Variants in CSMD1 observed in about 807,000 individuals in gnomAD.
CSMD1 encodes CUB and sushi domain-containing protein 1.
A neutral mutation model predicts 417.5 loss-of-function variants in CSMD1; 213 were observed. The observed-to-expected ratio is 0.51, with a 90% CI of 0.46 to 0.57. CSMD1 has a LOEUF of 0.57. Ranked by LOEUF, CSMD1 falls within the 20% of genes least tolerant of loss-of-function variation. The pLI is 0.00. For missense variants in CSMD1, 6,923 were observed against 4,529.7 expected, an observed-to-expected ratio of 1.53 and a Z score of -15.17; for synonymous variants, 2,862 against 1,736.8, an observed-to-expected ratio of 1.65 and a Z score of -16.11.
At chr8:4,458,811 T>G (rs1799639791) in intron 2 of CSMD1, among the ~76,000 whole-genome samples, 2 of 152,216 alleles carry the variant, frequency 1.3e-5, no homozygotes, top group Non-Finnish European at 2.9e-5. Context: ...TTAACAACTT[T>G]TCAATTAGAT....
intron 1 of CSMD1, among the ~76,000 whole-genome samples, chr8:4,972,813 T>C (rs1410454317): frequency 6.6e-6 from 1 of 152,166 alleles, no homozygotes; most frequent in Non-Finnish European, 1.5e-5. Context: ...GTCTTGTTAA[T>C]TGCTCTATTT....
At chr8:4,157,301 G>C (rs1298603802) in intron 3 of CSMD1, among the ~76,000 whole-genome samples, 1 of 152,174 alleles carries the variant, frequency 6.6e-6, no homozygotes, top group African/African-American at 2.4e-5. Context: ...GCAGAGCTGG[G>C]TCACTGCACC....
intron 54 of CSMD1, among the ~76,000 whole-genome samples, chr8:2,988,524 G>T (rs967824000): frequency 1.3e-5 from 2 of 152,124 alleles, no homozygotes; most frequent in African/African-American, 4.8e-5. Flanking sequence ...TAGAATAGGG[G>T]ACAAAGTTTC....
chr8:4,467,024 GCAA>G (rs1404076186), intron 2 of CSMD1, among the ~76,000 whole-genome samples: 1 of 148,568 alleles, frequency 6.7e-6, no homozygotes, highest in Admixed American at 6.8e-5. Flanking sequence ...GGCCTCAAAG[GCAA>G]CAAAAGTCTG....
chr8:4,269,871 A>G (rs1804466252), intron 3 of CSMD1, among the ~76,000 whole-genome samples: 1 of 152,186 alleles, frequency 6.6e-6, no homozygotes, highest in South Asian at 2.1e-4. Flanking sequence ...AAGTTATTGC[A>G]TCATTACTGG....
intron 3 of CSMD1, among the ~76,000 whole-genome samples, chr8:4,092,994 A>C (rs1199051873): frequency 1.3e-5 from 2 of 152,122 alleles, no homozygotes; most frequent in Non-Finnish European, 2.9e-5. Flanking sequence ...AGTGGGGGTC[A>C]AAGAAAAGAC....
chr8:3,362,071 T>G (rs551494490), intron 20 of CSMD1, among the ~76,000 whole-genome samples: 1 of 151,758 alleles, frequency 6.6e-6, no homozygotes, highest in Non-Finnish European at 1.5e-5. Flanking sequence ...ATCCTTTTTT[T>G]CCCCCTTCAT....
At chr8:4,736,920 T>C (rs776431926) in intron 1 of CSMD1, among the ~76,000 whole-genome samples, 3 of 152,224 alleles carry the variant, frequency 2.0e-5, no homozygotes, top group Non-Finnish European at 4.4e-5. Context: ...ATCCTCTTTG[T>C]AATAATTCCT....
intron 14 of CSMD1, 73 bp downstream of exon 14, chr8:3,407,826 A>G (rs555860017): frequency 3.8e-6 from 5 of 1,313,392 alleles, no homozygotes; most frequent in African/African-American, 3.0e-5. Context: ...GCAACTTCAC[A>G]TACATATAAG....
intron 3 of CSMD1, among the ~76,000 whole-genome samples, chr8:4,194,210 T>A (rs1022984096): frequency 2.0e-5 from 3 of 152,128 alleles, no homozygotes; most frequent in Non-Finnish European, 4.4e-5. Context: ...ACTAAATTTC[T>A]TTCGTCCAGC....
At chr8:2,998,348 G>A (rs1163008806) in intron 53 of CSMD1, among the ~76,000 whole-genome samples, 164 bp from the exon 54 acceptor site, 1 of 152,168 alleles carries the variant, frequency 6.6e-6, no homozygotes, top group Non-Finnish European at 1.5e-5. Flanking sequence ...GGGAATATTG[G>A]GAGCTACAAC....
intron 25 of CSMD1, among the ~76,000 whole-genome samples, chr8:3,302,522 T>C (rs889818133): frequency 6.6e-6 from 1 of 152,226 alleles, no homozygotes; most frequent in African/African-American, 2.4e-5. Context: ...CCTGCATGTC[T>C]ATCTTTTCTG....
intron 25 of CSMD1, among the ~76,000 whole-genome samples, chr8:3,287,019 T>A (rs1803212340): frequency 6.6e-6 from 1 of 152,136 alleles, no homozygotes; most frequent in Non-Finnish European, 1.5e-5. Context: ...AAGGAAGGGA[T>A]CCAGTTTCAG....
chr8:2,937,118 C>T lies in CSMD1; in HGVS notation c.*1467G>A, dbSNP rs761783775. The T allele has an allele frequency of 2.0e-5, 3 of 152,158 alleles. No homozygotes were observed. Among genetic ancestry groups the T allele is most frequent in the South Asian group, 2.1e-4 (1 of 4,826 alleles). The allele number at this position is 152,158 out of a possible 1,614,324, so 9.4% of individuals were successfully genotyped here. On this transcript the variant is annotated 3_prime_UTR_variant, in exon 70 of 70. Coordinates refer to ENST00000635120, the MANE Select transcript of CSMD1 (RefSeq NM_033225.6). The stretch of plus-strand genomic sequence containing the variant: ...ATAAACTACCTCACGGCCACATCTT[C>T]TACTTCATGTTTTGATTTTTATTTG...
chr8:3,314,895 G>A (rs879871202), intron 23 of CSMD1, among the ~76,000 whole-genome samples: 5 of 152,192 alleles, frequency 3.3e-5, no homozygotes, highest in Non-Finnish European at 5.9e-5. Flanking sequence ...GCTGAACAAC[G>A]AGCTCACAGT....
chr8:3,028,885 C>G (rs1311168090), intron 51 of CSMD1, among the ~76,000 whole-genome samples: 1 of 152,162 alleles, frequency 6.6e-6, no homozygotes, highest in African/African-American at 2.4e-5. Flanking sequence ...GCTTTAACTG[C>G]TTATCTTGTA....
intron 3 of CSMD1, among the ~76,000 whole-genome samples, chr8:4,307,635 T>G (rs1419436277): frequency 1.3e-5 from 2 of 152,292 alleles, no homozygotes; most frequent in South Asian, 2.1e-4. Flanking sequence ...TATCGAATTT[T>G]GCATCTCAAG....
intron 3 of CSMD1, among the ~76,000 whole-genome samples, chr8:4,056,240 C>G (rs1461798193): frequency 6.6e-6 from 1 of 151,748 alleles, no homozygotes; most frequent in African/African-American, 2.4e-5. Flanking sequence ...TACTCCCACT[C>G]CTGGCTAATT....
intron 26 of CSMD1, among the ~76,000 whole-genome samples, chr8:3,261,278 T>C (rs555540327): frequency 6.6e-6 from 1 of 152,318 alleles, no homozygotes; most frequent in Non-Finnish European, 1.5e-5. Context: ...GAATGTAAAA[T>C]GGTACAGCCA....
Sources: allele counts gnomAD v4.1 joint callset (sites outside exome capture counted in the v4.1 genomes callset), GRCh38; gene constraint gnomAD v4.1.1; transcripts MANE v1.5; gene names NCBI Gene and HGNC (gene_info 2026-07-23, HGNC 2026-07-21).